FAM110B: variants seen among roughly 807,000 people sequenced by gnomAD.
The protein encoded by FAM110B is family with sequence similarity 110 member B.
Under a neutral mutation model 20.4 loss-of-function variants are expected in FAM110B, and 6 were observed. The observed-to-expected ratio is 0.29, with a 90% CI of 0.16 to 0.58. FAM110B has a LOEUF of 0.58. Ranked by LOEUF, FAM110B falls within the 20% of genes least tolerant of loss-of-function variation. FAM110B has a pLI of 0.90. For synonymous variants in FAM110B, 226 were observed against 214.1 expected, an observed-to-expected ratio of 1.06 and a Z score of -0.49; for missense variants, 434 against 498.2, an observed-to-expected ratio of 0.87 and a Z score of 1.23.
chr8:58,034,777 A>T (rs749653723), intron 2 of FAM110B, among the ~76,000 whole-genome samples: 1 of 152,212 alleles, frequency 6.6e-6, no homozygotes. Context: ...GCATTAAATG[A>T]GGTGGTGTAT....
At chr8:58,012,849 G>A (rs1189448561) in intron 1 of FAM110B, among the ~76,000 whole-genome samples, 1 of 152,142 alleles carries the variant, frequency 6.6e-6, no homozygotes, top group Admixed American at 6.5e-5. Flanking sequence ...GGTCTAAATG[G>A]CTCCAGAGCT....
At chr8:58,086,016 A>G (rs917152234) in intron 3 of FAM110B, among the ~76,000 whole-genome samples, 2 of 152,214 alleles carry the variant, frequency 1.3e-5, no homozygotes, top group Non-Finnish European at 2.9e-5. Context: ...TTACGACCTC[A>G]ACTCAATACC....
chr8:58,060,611 T>A (rs1355085046), intron 2 of FAM110B, among the ~76,000 whole-genome samples: 1 of 152,102 alleles, frequency 6.6e-6, no homozygotes, highest in East Asian at 1.9e-4. Context: ...CAGCAGCACA[T>A]AGCATACAGT....
intron 2 of FAM110B, among the ~76,000 whole-genome samples, chr8:58,055,240 T>G (rs1212605731): frequency 1.3e-5 from 2 of 152,192 alleles, no homozygotes; most frequent in Non-Finnish European, 2.9e-5. Flanking sequence ...CACCCTGATT[T>G]TCAGTGCTAA....
At chr8:58,003,007 C>T (rs1241100472) in intron 1 of FAM110B, among the ~76,000 whole-genome samples, 2 of 152,176 alleles carry the variant, frequency 1.3e-5, no homozygotes, top group African/African-American at 4.8e-5. Flanking sequence ...AGCACTTTCC[C>T]CATAGTAGAA....
intron 3 of FAM110B, among the ~76,000 whole-genome samples, chr8:58,116,468 G>T (rs997654876): frequency 2.0e-5 from 3 of 152,086 alleles, no homozygotes; most frequent in African/African-American, 7.2e-5. Flanking sequence ...CATCTCTGTG[G>T]TTACTCCTTT....
intron 3 of FAM110B, among the ~76,000 whole-genome samples, chr8:58,118,189 T>A (rs1300376173): frequency 6.6e-6 from 1 of 152,206 alleles, no homozygotes; most frequent in Non-Finnish European, 1.5e-5. Context: ...ATATATTTCT[T>A]CTCTTATTTC....
chr8:58,142,180 G>C (rs1803757071), intron 3 of FAM110B, among the ~76,000 whole-genome samples: 1 of 152,218 alleles, frequency 6.6e-6, no homozygotes, highest in African/African-American at 2.4e-5. Flanking sequence ...CTCATTCAGA[G>C]ACAAGTAACT....
intron 2 of FAM110B, among the ~76,000 whole-genome samples, chr8:58,049,766 A>G (rs1805402174): frequency 6.6e-6 from 1 of 152,214 alleles, no homozygotes; most frequent in Admixed American, 6.5e-5. Context: ...ATTTTATTTC[A>G]GAATATTTAT....
intron 3 of FAM110B, among the ~76,000 whole-genome samples, chr8:58,102,615 A>G (rs910555977): frequency 6.6e-6 from 1 of 152,218 alleles, no homozygotes; most frequent in Non-Finnish European, 1.5e-5. Context: ...CACCTACGCC[A>G]TAACAGTGTA....
At chr8:58,142,998 A>G (rs1275118650) in intron 3 of FAM110B, among the ~76,000 whole-genome samples, 1 of 152,122 alleles carries the variant, frequency 6.6e-6, no homozygotes, top group Non-Finnish European at 1.5e-5. Flanking sequence ...ATCATGTGCC[A>G]CAGTGCTCTC....
chr8:58,106,650 A>G lies in FAM110B; in HGVS notation c.-325+31027A>G, dbSNP rs183544888. On this transcript the variant is annotated intron_variant, in intron 3 of 3. Coordinates refer to ENST00000519262, the MANE Select transcript of FAM110B (RefSeq NM_001377989.1). ...GGACAAAGATATCCCATAGGAAGTG[A>G]TATCATCAAAAAGCTTTACATTAAA... 3.5e-4 allele frequency among the ~76,000 whole-genome samples: 54 copies of G among 152,332 alleles called. No homozygotes were observed. In the East Asian group the frequency reaches 9.5e-3, roughly 27 times the overall value.
intron 1 of FAM110B, among the ~76,000 whole-genome samples, chr8:58,005,463 A>C (rs1208900558): frequency 5.3e-5 from 8 of 152,282 alleles, no homozygotes; most frequent in Non-Finnish European, 1.0e-4. Flanking sequence ...AAGTGAGCAC[A>C]TACTTATGGC....
intron 2 of FAM110B, among the ~76,000 whole-genome samples, chr8:58,063,421 A>G (rs1048063334): frequency 6.6e-6 from 1 of 152,012 alleles, no homozygotes; most frequent in African/African-American, 2.4e-5. Context: ...GAGATACAGC[A>G]TATGTTTATA....
chr8:58,141,556 G>A (rs964974136), intron 3 of FAM110B, among the ~76,000 whole-genome samples: 1 of 152,142 alleles, frequency 6.6e-6, no homozygotes, highest in African/African-American at 2.4e-5. Context: ...GTGAATCCAG[G>A]TTGTGTTCAG....
At chr8:58,136,691 G>A (rs929066919) in intron 3 of FAM110B, among the ~76,000 whole-genome samples, 31 of 152,130 alleles carry the variant, frequency 2.0e-4, no homozygotes, top group Non-Finnish European at 2.9e-5. Flanking sequence ...CAAGTTAGGG[G>A]CCCTCTTATA....
intron 2 of FAM110B, among the ~76,000 whole-genome samples, chr8:58,058,310 T>A (rs1194492795): frequency 6.8e-6 from 1 of 146,030 alleles, no homozygotes; most frequent in Non-Finnish European, 1.5e-5. Flanking sequence ...GCTGTGAGTT[T>A]AAGAACGATA....
At chr8:58,110,729 GT>G (rs1807037581) in intron 3 of FAM110B, among the ~76,000 whole-genome samples, 1 of 152,060 alleles carries the variant, frequency 6.6e-6, no homozygotes, top group African/African-American at 2.4e-5. Context: ...GATCAACAGG[GT>G]GTAGCCATTT....
chr8:58,086,888 G>A (rs1357831112), intron 3 of FAM110B, among the ~76,000 whole-genome samples: 2 of 152,206 alleles, frequency 1.3e-5, no homozygotes, highest in East Asian at 1.9e-4. Flanking sequence ...CAGTGGAGCT[G>A]GTATTTTGTT....
Sources: allele counts gnomAD v4.1 joint callset (sites outside exome capture counted in the v4.1 genomes callset), GRCh38; gene constraint gnomAD v4.1.1; transcripts MANE v1.5; gene names NCBI Gene and HGNC (gene_info 2026-07-23, HGNC 2026-07-21).